Variants in CMYA5 observed in about 807,000 individuals in gnomAD.
CMYA5 encodes the protein cardiomyopathy-associated protein 5.
CMYA5 carries 246 observed loss-of-function variants against 318.9 expected under a neutral mutation model. That is an observed-to-expected ratio of 0.77 (90% CI 0.70 to 0.86). The LOEUF is 0.86. Among genes scored for constraint, CMYA5 ranks in the 40% least tolerant of loss-of-function variants. The pLI is 0.00. For synonymous variants in CMYA5, 1,641 were observed against 1,729.5 expected, an observed-to-expected ratio of 0.95 and a Z score of 1.27; for missense variants, 4,589 against 4,678.2, an observed-to-expected ratio of 0.98 and a Z score of 0.56.
chr5:79,778,410 C>T (rs1330364388), intron 9 of CMYA5, among the ~76,000 whole-genome samples: 1 of 152,134 alleles, frequency 6.6e-6, no homozygotes, highest in Non-Finnish European at 1.5e-5. Flanking sequence ...GTTCTTTATA[C>T]CCTTGCCTAA....
At position 79,729,602 on chromosome 5, in the gene CMYA5, T is replaced by C; in HGVS notation, c.837T>C (p.Asn279=). 8 of 1,613,514 alleles carry C rather than the reference T, an allele frequency of 5.0e-6. No individual in the cohort carries two copies. The highest frequency in any genetic ancestry group is 1.6e-4 in the Middle Eastern group (1 of 6,062). ...LEPDLDNSGS[N]TVSKTRKLVA... is the part of the protein sequence containing the mutation. Reference sequence around the variant, plus strand: ...CAGATTTGGACAATAGTGGTTCTAATACAGTGTCCAAAACACGCAAATTAG... The same window carrying C: ...CAGATTTGGACAATAGTGGTTCTAACACAGTGTCCAAAACACGCAAATTAG... The change falls in exon 2 of 13, where the codon AAT becomes AAC. Residue 279 remains asparagine, a synonymous_variant. Coordinates refer to ENST00000446378, the MANE Select transcript of CMYA5 (RefSeq NM_153610.5).
At chr5:79,705,705 A>G (rs930178371) in intron 1 of CMYA5, among the ~76,000 whole-genome samples, 2 of 152,168 alleles carry the variant, frequency 1.3e-5, no homozygotes, top group Non-Finnish European at 2.9e-5. Flanking sequence ...GTCTTGATCA[A>G]TTTCAGTTTG....
intron 12 of CMYA5, among the ~76,000 whole-genome samples, chr5:79,798,140 C>T (rs752738168): frequency 5.3e-5 from 8 of 152,064 alleles, no homozygotes; most frequent in Non-Finnish European, 8.8e-5. Flanking sequence ...TGCCCTTCCA[C>T]GTGAGCTTCT....
intron 1 of CMYA5, among the ~76,000 whole-genome samples, chr5:79,706,307 G>T (rs1173860977): frequency 6.6e-6 from 1 of 152,188 alleles, no homozygotes; most frequent in East Asian, 1.9e-4. Context: ...AGTATACAGA[G>T]ATAAGAATTT....
chr5:79,792,742 C>G (rs1277280453), intron 11 of CMYA5, among the ~76,000 whole-genome samples: 1 of 152,234 alleles, frequency 6.6e-6, no homozygotes, highest in Non-Finnish European at 1.5e-5. Context: ...AACAAGGTCA[C>G]CCATCAGCAG....
chr5:79,789,064 G>A lies in CMYA5; in HGVS notation c.11649G>A (p.Gly3883=). 2 of 1,613,924 alleles carry A rather than the reference G, an allele frequency of 1.2e-6. No individual in the cohort carries two copies. Among genetic ancestry groups the A allele is most frequent in the Non-Finnish European group, 8.5e-7 (1 of 1,179,872 alleles). ...ATGTGAGGGCCATCAATGCATTTGG[G>A]ACAAGTGAACAGAGTGAAGCTGCTC... is the stretch of plus-strand genomic sequence containing the variant. ...FFYVRAINAF[G]TSEQSEAALI... Residue 3883 remains glycine (G), a synonymous_variant, in exon 10 of 13, where the codon GGG becomes GGA. Coordinates refer to ENST00000446378, the MANE Select transcript of CMYA5 (RefSeq NM_153610.5).
At chr5:79,793,388 A>G (rs372617727) in intron 11 of CMYA5, 49 bp from the exon 12 acceptor site, 1 of 1,544,966 alleles carries the variant, frequency 6.5e-7, no homozygotes. Flanking sequence ...TATGAGATAC[A>G]GGCCGGCGAT....
At position 79,729,915 on chromosome 5, in the gene CMYA5, G is replaced by A. The variant is rs765799270; in HGVS notation, c.1150G>A (p.Asp384Asn). 8 of 1,613,462 alleles carry A rather than the reference G, an allele frequency of 5.0e-6. No individual in the cohort carries two copies. The highest frequency in any genetic ancestry group is 3.3e-5 in the Admixed American group (2 of 59,922). ...HEVEPPSVTP[D>N]TPATMFLRTT... is the part of the protein sequence containing the mutation. ...AGTGGAACCTCCATCTGTGACACCC[G>A]ACACACCTGCAACTATGTTCCTGAG... The change falls in exon 2 of 13, where the codon GAC becomes AAC. Residue 384 changes from aspartate to asparagine, a missense_variant. By Grantham distance (23) the Asp-to-Asn change is conservative. Transcript: ENST00000446378.
At position 79,793,568 on chromosome 5, in the gene CMYA5, A is replaced by G. The variant is rs959112766; in HGVS notation, c.11921A>G (p.Gln3974Arg). ...GCTGTGCAGGCAGGTGCCCTAGGACAAGGGGAGACCTCATGGTACATGCAC... is the reference window on the plus strand; with the variant it reads ...GCTGTGCAGGCAGGTGCCCTAGGACGAGGGGAGACCTCATGGTACATGCAC... ...SSAVQAGALGQGETSWYMHCS... is the reference protein window; with the variant it reads ...SSAVQAGALGRGETSWYMHCS... Residue 3974 changes from glutamine (Q) to arginine (R), a missense_variant, in exon 12 of 13, where the codon CAA (glutamine) becomes CGA (arginine). Physicochemically the swap from Gln to Arg is conservative, Grantham distance 43. Transcript: ENST00000446378. 1.9e-6 allele frequency: 3 copies of G among 1,613,548 alleles called. No individual in the cohort carries two copies. The highest frequency in any genetic ancestry group is 1.7e-5 in the Admixed American group (1 of 59,988).
At position 79,736,513 on chromosome 5, in the gene CMYA5, C is replaced by G; in HGVS notation, c.7748C>G (p.Thr2583Ser). The change falls in exon 2 of 13, where the codon ACT becomes AGT. Residue 2583 changes from threonine to serine, a missense_variant. Thr to Ser is a moderately conservative substitution (Grantham distance 58). Around this residue, in one of 3 missense-constraint regions of CMYA5, gnomAD observed 2,431 missense variants for 2,495.1 expected, o/e 0.97. Transcript: ENST00000446378. ...DISLGHSLGE[T>S]QSFSLVKATS... ...TCTTTAGGTCATTCTTTGGGTGAAA[C>G]TCAATCATTTTCATTAGTTAAAGCT... The G allele has an allele frequency of 6.2e-7, 1 of 1,613,106 alleles. No homozygotes were observed. Among genetic ancestry groups the G allele is most frequent in the Admixed American group, 1.7e-5 (1 of 59,810 alleles).
chr5:79,786,787 C>A (rs933893593), intron 9 of CMYA5, among the ~76,000 whole-genome samples: 3 of 152,268 alleles, frequency 2.0e-5, no homozygotes, highest in African/African-American at 2.4e-5. Context: ...TTTGTTCTAA[C>A]CTTTTTTGCT....
intron 8 of CMYA5, chr5:79,762,676 C>G: frequency 5.9e-6 from 1 of 169,638 alleles, no homozygotes; most frequent in East Asian, 1.6e-4. Flanking sequence ...TACCCTTTAT[C>G]CTTTCCTCTT....
At chr5:79,790,810 C>T (rs1380729791) in intron 10 of CMYA5, among the ~76,000 whole-genome samples, 160 bp from the exon 11 acceptor site, 1 of 152,160 alleles carries the variant, frequency 6.6e-6, no homozygotes, top group Non-Finnish European at 1.5e-5. Flanking sequence ...TCCACGAAGG[C>T]CTTATCATGA....
Position 79,735,677 on chromosome 5 carries a change from C to T in CMYA5, c.6912C>T (p.Asn2304=), listed in dbSNP as rs1477268370. The change falls in exon 2 of 13, where the codon AAC becomes AAT. Residue 2304 remains asparagine (N), a synonymous_variant. Coordinates refer to ENST00000446378, the MANE Select transcript of CMYA5 (RefSeq NM_153610.5). The part of the protein sequence containing the change: ...ISGDSEEMNI[N]SVVTSADGEN... ...GCGATTCAGAGGAAATGAACATAAACTCAGTAGTTACTTCTGCTGATGGTG... is the reference window on the plus strand; with the variant it reads ...GCGATTCAGAGGAAATGAACATAAATTCAGTAGTTACTTCTGCTGATGGTG... 2 of 1,611,290 alleles carry T rather than the reference C, an allele frequency of 1.2e-6. No individual in the cohort carries two copies. The highest frequency in any genetic ancestry group is 2.2e-5 in the South Asian group (2 of 90,048).
chr5:79,771,630 G>A (rs935950828), intron 9 of CMYA5, among the ~76,000 whole-genome samples: 4 of 152,306 alleles, frequency 2.6e-5, no homozygotes, highest in African/African-American at 9.6e-5. Context: ...GGGATGGGGG[G>A]ATGGCGTTCC....
rs753371912 is a variant in CMYA5, at chr5:79,732,628, C to T, written c.3863C>T (p.Thr1288Ile). 8.7e-6 allele frequency: 14 copies of T among 1,613,216 alleles called. No homozygotes were observed. Among genetic ancestry groups the T allele is most frequent in the Non-Finnish European group, 1.2e-5 (14 of 1,179,648 alleles). ...VIKPYSPLKE[T>I]SLSGPEALSA... ...AAACCATATTCACCTCTAAAGGAAA[C>T]ATCTTTATCTGGACCTGAGGCTTTA... is the stretch of plus-strand genomic sequence containing the variant. The change falls in exon 2 of 13, where the codon ACA becomes ATA. Residue 1288 changes from threonine (T) to isoleucine (I), a missense_variant. Around this residue, in one of 3 missense-constraint regions of CMYA5, gnomAD observed 2,132 missense variants for 2,131.3 expected, o/e 1.00. Transcript: ENST00000446378.
chr5:79,795,789 G>A (rs957541439), intron 12 of CMYA5, among the ~76,000 whole-genome samples: 14 of 152,086 alleles, frequency 9.2e-5, no homozygotes, highest in Admixed American at 4.6e-4. Context: ...GCCAGAGGTG[G>A]GACTCAAGGG....
rs768853654 is a variant in CMYA5, at chr5:79,799,432, T to A, written c.12026T>A (p.Val4009Glu). The A allele has an allele frequency of 6.2e-7, 1 of 1,613,802 alleles. No individual in the cohort carries two copies. Among genetic ancestry groups the A allele is most frequent in the South Asian group, 1.1e-5 (1 of 91,068 alleles). ...CATGTGACTGAGCGTCCAGCCAGAG[T>A]GGGCATCCTGCTGGACTACAACAAC... ...DVHVTERPAR[V>E]GILLDYNNQR... Residue 4009 changes from valine (V) to glutamate (E), a missense_variant, in exon 13 of 13, where the codon GTG becomes GAG. Around this residue, in one of 3 missense-constraint regions of CMYA5, gnomAD observed 2,431 missense variants for 2,495.1 expected, o/e 0.97. Transcript: ENST00000446378.
chr5:79,723,443 GAAAAAAA>G (rs35720490), intron 1 of CMYA5, among the ~76,000 whole-genome samples: 1 of 121,558 alleles, frequency 8.2e-6, no homozygotes, highest in Non-Finnish European at 1.6e-5. Context: ...CATCTCAAAG[GAAAAAAA>G]AAAAAAAAAG....
Sources: allele counts gnomAD v4.1 joint callset (sites outside exome capture counted in the v4.1 genomes callset), GRCh38; gene constraint gnomAD v4.1.1; regional missense constraint gnomAD v4.1.1; transcripts MANE v1.5; gene names NCBI Gene and HGNC (gene_info 2026-07-23, HGNC 2026-07-21).